CROCC2: variants seen among roughly 807,000 people sequenced by gnomAD.
CROCC2 encodes ciliary rootlet coiled-coil protein 2.
A neutral mutation model predicts 177.6 loss-of-function variants in CROCC2; 163 were observed. The ratio of observed to expected loss-of-function variants is 0.92; its 90% confidence interval spans 0.81 to 1.05. The LOEUF is 1.05. Among genes scored for constraint, CROCC2 ranks in the 50% least tolerant of loss-of-function variants. The pLI is 0.00. For synonymous variants in CROCC2, 904 were observed against 787.3 expected, an observed-to-expected ratio of 1.15 and a Z score of -2.48; for missense variants, 1,929 against 1,797.8, an observed-to-expected ratio of 1.07 and a Z score of -1.32.
intron 15 of CROCC2, among the ~76,000 whole-genome samples, chr2:240,946,829 C>T (rs2106468200): frequency 6.6e-6 from 1 of 152,354 alleles, no homozygotes; most frequent in East Asian, 1.9e-4. Context: ...AGCTGGGAGT[C>T]ACAGGGCCTG....
intron 5 of CROCC2, among the ~76,000 whole-genome samples, chr2:240,927,274 T>A (rs1187239880): frequency 6.6e-6 from 1 of 152,160 alleles, no homozygotes; most frequent in Non-Finnish European, 1.5e-5. Context: ...TGTGTCTGCG[T>A]GTAGATTTAT....
At chr2:240,964,687 T>TC (rs1441860917) in intron 22 of CROCC2, 62 bp downstream of exon 22, 5 of 1,510,654 alleles carry the variant, frequency 3.3e-6, no homozygotes, top group Non-Finnish European at 4.5e-6. Context: ...GGGTCCCGGC[T>TC]CCTCCCAGGG....
At chr2:240,910,284 G>A (rs959654180) in intron 1 of CROCC2, among the ~76,000 whole-genome samples, 4 of 144,822 alleles carry the variant, frequency 2.8e-5, no homozygotes, top group Non-Finnish European at 4.6e-5. Context: ...ACCCAGACCC[G>A]CAGCTGATGG....
intron 14 of CROCC2, among the ~76,000 whole-genome samples, chr2:240,943,482 CT>C (rs374737398): frequency 0.075 from 10,282 of 136,408 alleles, 693 homozygotes; most frequent in East Asian, 0.27. Flanking sequence ...TTAGCTAAAG[CT>C]TTTTTTTTTT....
chr2:240,933,974 G>C lies in CROCC2; in HGVS notation c.1646+122G>C. The stretch of plus-strand genomic sequence containing the variant: ...TTCACCTGTCTCATCTCAGGGTGTG[G>C]TGGCCCTAACAGGGCAGGGGCGGGG... On this transcript the variant is annotated intron_variant, in intron 11 of 31. Transcript: ENST00000690015. 4.3e-6 allele frequency: 5 copies of C among 1,156,952 alleles called. No homozygotes were observed. In the South Asian group the frequency reaches 7.6e-5, roughly 18 times the overall value. 71.7% of individuals were successfully genotyped at this position (1,156,952 alleles called of 1,614,324 possible).
chr2:240,970,495 G>A (rs1296951323), intron 27 of CROCC2, among the ~76,000 whole-genome samples: 4 of 152,218 alleles, frequency 2.6e-5, no homozygotes, highest in African/African-American at 7.2e-5. Context: ...GCATGGCAGG[G>A]ATGATTTATT....
At chr2:240,987,427 T>G (rs1021280427) in intron 28 of CROCC2, among the ~76,000 whole-genome samples, 4 of 151,970 alleles carry the variant, frequency 2.6e-5, no homozygotes, top group Non-Finnish European at 5.9e-5. Flanking sequence ...CTTCCAGGAG[T>G]GTAACTGGAT....
At chr2:240,969,827 T>G (rs2059709240) in intron 27 of CROCC2, among the ~76,000 whole-genome samples, 1 of 152,166 alleles carries the variant, frequency 6.6e-6, no homozygotes, top group Non-Finnish European at 1.5e-5. Context: ...GCCTCCCAGG[T>G]TCAAGTGATT....
chr2:240,913,861 C>T (rs938615840), intron 1 of CROCC2, among the ~76,000 whole-genome samples: 12 of 152,260 alleles, frequency 7.9e-5, no homozygotes, highest in Admixed American at 2.6e-4. Context: ...CTCTCTGCGG[C>T]GGGCCGGGCT....
Position 240,963,611 on chromosome 2 carries a change from G to A in CROCC2, c.3143G>A (p.Arg1048His), listed in dbSNP as rs965037522. 30 of 1,548,274 alleles carry A rather than the reference G, an allele frequency of 1.9e-5. No homozygotes were observed. Among genetic ancestry groups the A allele is most frequent in the Middle Eastern group, 3.9e-4 (2 of 5,078 alleles). ...TVAQEGLAAL[R>H]QELQGVEESR... ...GCCCAGGAGGGACTGGCCGCACTGC[G>A]CCAGGAGCTGCAGGGCGTCGAGGAG... Residue 1048 changes from arginine to histidine, a missense_variant, in exon 21 of 32, where the codon CGC becomes CAC. Physicochemically the swap from Arg to His is conservative, Grantham distance 29. Transcript: ENST00000690015.
At chr2:240,948,108 A>C (rs1299346165) in intron 15 of CROCC2, among the ~76,000 whole-genome samples, 1 of 152,154 alleles carries the variant, frequency 6.6e-6, no homozygotes, top group African/African-American at 2.4e-5. Context: ...AAGAGCTGCC[A>C]GGTGAAGAGA....
intron 6 of CROCC2, 81 bp downstream of exon 6, chr2:240,930,350 C>T (rs932009123): frequency 4.4e-6 from 2 of 455,906 alleles, no homozygotes; most frequent in Non-Finnish European, 8.0e-6. Context: ...GAAATCGGTG[C>T]CCAGGGCGGG....
chr2:240,965,565 G>A (rs987877267), intron 23 of CROCC2, 47 bp downstream of exon 23: 14 of 1,549,646 alleles, frequency 9.0e-6, no homozygotes, highest in African/African-American at 2.7e-5. Flanking sequence ...GGGCGTCGGG[G>A]AGCAGAGGGA....
intron 1 of CROCC2, 132 bp downstream of exon 1, chr2:240,906,723 C>A: frequency 2.5e-6 from 1 of 397,106 alleles, no homozygotes; most frequent in East Asian, 3.6e-5. Context: ...CACTTGCTCA[C>A]GTGTTTGCCT....
chr2:240,972,183 G>A lies in CROCC2; in HGVS notation c.4401+3921G>A, dbSNP rs909063506. On this transcript the variant is annotated intron_variant, in intron 27 of 31. Transcript: ENST00000690015. This position sits in a 1 kb window ranked among gnomAD's most constrained non-coding sequence, Gnocchi z 7.1. ...CTGGCCTCGTTTGAAGTTGGGAGTG[G>A]AGAGGAACCCATCAGGGACTTTATG... Among the ~76,000 whole-genome samples the A allele has an allele frequency of 1.3e-5, 2 of 152,160 alleles. No individual in the cohort carries two copies. Among genetic ancestry groups the A allele is most frequent in the Non-Finnish European group, 2.9e-5 (2 of 68,038 alleles).
rs111615117 is a variant in CROCC2, at chr2:240,929,076, C to G, written c.646-1090C>G. Among the ~76,000 whole-genome samples, 808 of 151,958 alleles carry G rather than the reference C, an allele frequency of 5.3e-3. 10 individuals are homozygous for G. The highest frequency in any genetic ancestry group is 0.019 in the African/African-American group (784 of 41,402). On this transcript the variant is annotated intron_variant, in intron 5 of 31. Coordinates refer to ENST00000690015, the MANE Select transcript of CROCC2 (RefSeq NM_001351305.2). The stretch of plus-strand genomic sequence containing the variant: ...GGTGTACAGCCAGGTGGAATGGACA[C>G]AGAGGGATGTGTTCTCCGGAGGGTG...
In CROCC2 at chr2:240,972,979, CTGCTGCCCCATGCCCCT is replaced by C. The variant is rs2059732293; in HGVS notation, c.4401+4723_4401+4739del. Among the ~76,000 whole-genome samples, 1 of 152,108 alleles carries C rather than the reference CTGCTGCCCCATGCCCCT, an allele frequency of 6.6e-6. No homozygotes were observed. The highest frequency in any genetic ancestry group is 1.5e-5 in the Non-Finnish European group (1 of 68,020). The stretch of plus-strand genomic sequence containing the variant: ...GGGGCTGGGAACATAGCCATGCTCC[CTGCTGCCCCATGCCCCT>C]TGCTGAGCAGGGGGGTGCTAGGGTC... On this transcript the variant is annotated intron_variant, in intron 27 of 31. Coordinates refer to ENST00000690015, the MANE Select transcript of CROCC2 (RefSeq NM_001351305.2). The surrounding 1 kb of genome is among the most constrained non-coding windows in gnomAD (Gnocchi z 7.1).
At chr2:240,975,261 G>C (rs1030140533) in intron 27 of CROCC2, among the ~76,000 whole-genome samples, 2 of 152,324 alleles carry the variant, frequency 1.3e-5, no homozygotes, top group East Asian at 3.9e-4. Context: ...GAGTCCAGAG[G>C]AGGCCCTGCC....
intron 28 of CROCC2, among the ~76,000 whole-genome samples, chr2:240,986,879 G>T (rs767468872): frequency 6.6e-5 from 10 of 152,196 alleles, no homozygotes; most frequent in Non-Finnish European, 1.3e-4. Context: ...GAAGGCAGGT[G>T]CTGAGGCCTC....
Sources: gnomAD v4.1 joint callset for allele counts (sites outside exome capture counted in the v4.1 genomes callset) on GRCh38, gnomAD v4.1.1 for gene constraint, Gnocchi (gnomAD v3.1) non-coding constraint, MANE v1.5 for transcripts, NCBI Gene and HGNC (gene_info 2026-07-23, HGNC 2026-07-21) for gene names.